TMEM196: variants seen among roughly 807,000 people sequenced by gnomAD.
TMEM196 encodes transmembrane protein 196.
A neutral mutation model predicts 20.0 loss-of-function variants in TMEM196; 17 were observed. That is an observed-to-expected ratio of 0.85 (90% CI 0.58 to 1.27). The LOEUF (loss-of-function observed/expected upper bound fraction) is 1.27. TMEM196 is among the 50% of genes most tolerant of loss of function. The probability of loss-of-function intolerance (pLI) is 0.00; values close to 1 mark genes in which losing one functional copy is unlikely to be tolerated. For synonymous variants in TMEM196, 113 were observed against 88.9 expected (o/e 1.27, Z -1.52); for missense variants, 267 against 223.0 (o/e 1.20, Z -1.26).
intron 1 of TMEM196, among the ~76,000 whole-genome samples, chr7:19,752,896 A>G (rs1785046863): frequency 6.6e-6 from 1 of 152,184 alleles, no homozygotes; most frequent in African/African-American, 2.4e-5. Context: ...TACAAGCATG[A>G]GCCACCCGCC....
At chr7:19,767,533 G>A (rs570465765) in intron 1 of TMEM196, among the ~76,000 whole-genome samples, 27 of 152,080 alleles carry the variant, frequency 1.8e-4, no homozygotes, top group South Asian at 8.3e-4. Flanking sequence ...TCTACATGGC[G>A]AAATGTCTGT....
chr7:19,760,970 C>G (rs1419964910), intron 1 of TMEM196, among the ~76,000 whole-genome samples: 1 of 152,196 alleles, frequency 6.6e-6, no homozygotes, highest in Non-Finnish European at 1.5e-5. Context: ...CCTCTTTTGT[C>G]TCATCCCAAC....
rs1783963796 is a variant in TMEM196 at position 19,725,504 on chromosome 7, C to T, written c.459+10G>A. ...GTGCTAGCAGTGAGAGGAAAAGGTA[C>T]AAAACTCACTTTCTCAGCCATTTCA... On this transcript the variant is annotated intron_variant, in intron 3 of 4. Coordinates refer to ENST00000405844, the MANE Select transcript of TMEM196 (RefSeq NM_001363562.2). The T allele has an allele frequency of 6.3e-7, 1 of 1,599,300 alleles. No individual in the cohort carries two copies. Among genetic ancestry groups the T allele is most frequent in the Admixed American group, 1.7e-5 (1 of 59,716 alleles).
At chr7:19,730,304 G>A (rs942799775) in intron 1 of TMEM196, among the ~76,000 whole-genome samples, 2 of 151,146 alleles carry the variant, frequency 1.3e-5, no homozygotes, top group Admixed American at 6.6e-5. Context: ...GCAATTGATA[G>A]CATATTATTT....
At chr7:19,771,556 C>T (rs1785882953) in intron 1 of TMEM196, among the ~76,000 whole-genome samples, 1 of 152,156 alleles carries the variant, frequency 6.6e-6, no homozygotes, top group Admixed American at 6.5e-5. Context: ...GTTAAACATG[C>T]TACAGATTAT....
rs57276805 is a variant in TMEM196, at chr7:19,748,263, C to CAAAAAAAAAA, written c.148-18835_148-18826dup. Among the ~76,000 whole-genome samples the CAAAAAAAAAA allele has an allele frequency of 1.6e-3, 33 of 20,780 alleles. 4 individuals are homozygous for CAAAAAAAAAA. Among genetic ancestry groups the CAAAAAAAAAA allele is most frequent in the African/African-American group, 5.0e-3 (29 of 5,844 alleles). 13.6% of individuals were successfully genotyped at this position (20,780 alleles called of 152,430 possible). A position where few individuals can be genotyped will look rare whatever the true frequency, so the allele number is the denominator to read the frequency against. ...TTCAGAGATGTTCACTGTGGCTGTC[C>CAAAAAAAAAA]AAAAAAAAAAAAAAAAAAAAAAAAA... On this transcript the variant is annotated intron_variant, in intron 1 of 4. Transcript: ENST00000405844.
intron 1 of TMEM196, among the ~76,000 whole-genome samples, chr7:19,749,575 T>C (rs952965085): frequency 6.6e-6 from 1 of 152,220 alleles, no homozygotes; most frequent in African/African-American, 2.4e-5. Context: ...TGGAACATGA[T>C]GTTATGGGAT....
rs957430128 is a variant in TMEM196 at position 19,719,345 on chromosome 7, C to A, written c.*2783G>T. ...TCAAAGCACATCATTTTATTATAGA[C>A]ATGTCAGTAGAGTTATCATTTCCTG... On this transcript the variant is annotated 3_prime_UTR_variant, in exon 5 of 5. Coordinates refer to ENST00000405844, the MANE Select transcript of TMEM196 (RefSeq NM_001363562.2). 6.6e-6 allele frequency: 1 copy of A among 150,436 alleles called. No individual in the cohort carries two copies. Among genetic ancestry groups the A allele is most frequent in the Non-Finnish European group, 1.5e-5 (1 of 66,974 alleles). The allele number at this position is 150,436 out of a possible 1,614,324, so 9.3% of individuals were successfully genotyped here. A position where few individuals can be genotyped will look rare whatever the true frequency, so the allele number is the denominator to read the frequency against.
Position 19,767,686 on chromosome 7 carries a change from C to T in TMEM196, c.147+4864G>A, listed in dbSNP as rs572692273. Among the ~76,000 whole-genome samples, 84 of 151,754 alleles carry T rather than the reference C, an allele frequency of 5.5e-4. 1 individual carries two copies. Among genetic ancestry groups the T allele is most frequent in the African/African-American group, 1.4e-3 (59 of 41,400 alleles). Reference sequence around the variant, plus strand: ...AATTTTAAAATGGGCCATAAAAATACGTTTGTAATTTTTTGGGGGGATAGG... The same window carrying T: ...AATTTTAAAATGGGCCATAAAAATATGTTTGTAATTTTTTGGGGGGATAGG... On this transcript the variant is annotated intron_variant, in intron 1 of 4. Transcript: ENST00000405844.
intron 1 of TMEM196, among the ~76,000 whole-genome samples, chr7:19,762,679 A>G (rs1209379501): frequency 1.3e-5 from 2 of 152,202 alleles, no homozygotes; most frequent in Non-Finnish European, 1.5e-5. Context: ...AAACATGTGG[A>G]AACTATAATA....
intron 1 of TMEM196, among the ~76,000 whole-genome samples, chr7:19,749,102 A>G (rs953642597): frequency 6.6e-6 from 1 of 152,186 alleles, no homozygotes; most frequent in Non-Finnish European, 1.5e-5. Context: ...GTAAACTTGT[A>G]AAAAATGATA....
At chr7:19,758,930 A>T (rs79025211) in intron 1 of TMEM196, among the ~76,000 whole-genome samples, 2,840 of 152,078 alleles carry the variant, frequency 0.019, 84 homozygotes, top group African/African-American at 0.065. Context: ...GAGAATTAAT[A>T]AAAAAAACTC....
chr7:19,723,400 A>C (rs569272196), intron 4 of TMEM196, among the ~76,000 whole-genome samples: 2 of 152,180 alleles, frequency 1.3e-5, no homozygotes, highest in Admixed American at 1.3e-4. Context: ...CCACTCAAAA[A>C]CTGCTTAGAA....
intron 1 of TMEM196, among the ~76,000 whole-genome samples, chr7:19,762,951 A>G (rs1483248606): frequency 2.0e-5 from 3 of 152,220 alleles, no homozygotes; most frequent in Non-Finnish European, 4.4e-5. Flanking sequence ...AGGTCATGGC[A>G]TTAGGAACTT....
intron 1 of TMEM196, among the ~76,000 whole-genome samples, chr7:19,747,691 C>T (rs1784811896): frequency 6.6e-6 from 1 of 152,238 alleles, no homozygotes; most frequent in South Asian, 2.1e-4. Context: ...CCTGAACCCT[C>T]TCAGTATTTG....
At chr7:19,734,170 C>A (rs537829305) in intron 1 of TMEM196, among the ~76,000 whole-genome samples, 101 of 152,264 alleles carry the variant, frequency 6.6e-4, no homozygotes, top group African/African-American at 2.3e-3. Context: ...CACAGCCAAA[C>A]AACATTTAGT....
chr7:19,737,485 A>T (rs1407371263), intron 1 of TMEM196, among the ~76,000 whole-genome samples: 1 of 152,022 alleles, frequency 6.6e-6, no homozygotes, highest in Non-Finnish European at 1.5e-5. Flanking sequence ...CTAATTTGAA[A>T]TGATTTGTAA....
At chr7:19,726,649 A>G (rs2128013582) in intron 2 of TMEM196, among the ~76,000 whole-genome samples, 1 of 152,258 alleles carries the variant, frequency 6.6e-6, no homozygotes, top group Admixed American at 6.5e-5. Context: ...GGGTTTAATC[A>G]ACAACTATCA....
At chr7:19,751,804 A>G (rs941622688) in intron 1 of TMEM196, among the ~76,000 whole-genome samples, 1 of 152,114 alleles carries the variant, frequency 6.6e-6, no homozygotes, top group African/African-American at 2.4e-5. Context: ...TTGTACCAAA[A>G]CTGTGTGTAT....
Sources: allele counts gnomAD v4.1 joint callset (sites outside exome capture counted in the v4.1 genomes callset), GRCh38; gene constraint gnomAD v4.1.1; transcripts MANE v1.5; gene names NCBI Gene and HGNC (gene_info 2026-07-23, HGNC 2026-07-21).